Variants in TUSC3 observed in about 807,000 individuals in gnomAD.
The protein encoded by TUSC3 is tumor suppressor candidate 3.
TUSC3 carries 45 observed loss-of-function variants against 44.8 expected under a neutral mutation model. The observed-to-expected ratio is 1.00, with a 90% CI of 0.79 to 1.29. The LOEUF is 1.29. Among genes scored for constraint, TUSC3 ranks in the 50% most tolerant of loss-of-function variants. The probability of loss-of-function intolerance (pLI) is 0.00; values close to 1 mark genes in which losing one functional copy is unlikely to be tolerated. For missense variants in TUSC3, 519 were observed against 437.9 expected (o/e 1.19, Z -1.65); for synonymous variants, 212 against 152.9 (o/e 1.39, Z -2.85).
At chr8:15,674,767 G>A (rs917635561) in intron 6 of TUSC3, among the ~76,000 whole-genome samples, 3 of 151,956 alleles carry the variant, frequency 2.0e-5, no homozygotes, top group African/African-American at 7.2e-5. Flanking sequence ...GTTAGACATA[G>A]TTTTTGCTAT....
intron 1 of TUSC3, among the ~76,000 whole-genome samples, chr8:15,430,313 G>T (rs1006979372): frequency 6.7e-6 from 1 of 149,502 alleles, no homozygotes; most frequent in Admixed American, 6.7e-5. Context: ...GAGAGGCAAG[G>T]CTGGTTCAAC....
chr8:15,723,231 C>T (rs1021674478), intron 6 of TUSC3, among the ~76,000 whole-genome samples: 6 of 152,052 alleles, frequency 3.9e-5, no homozygotes, highest in Non-Finnish European at 5.9e-5. Flanking sequence ...CACAACAGAT[C>T]GTGCAGTAAG....
At chr8:15,474,680 A>G (rs550734164) in intron 1 of TUSC3, among the ~76,000 whole-genome samples, 1 of 152,342 alleles carries the variant, frequency 6.6e-6, no homozygotes, top group Non-Finnish European at 1.5e-5. Context: ...TAACAAGTTA[A>G]TACGTATATT....
At position 15,588,481 on chromosome 8, in the gene TUSC3, T is replaced by G. The variant is rs529856171; in HGVS notation, c.139-34599T>G. On this transcript the variant is annotated intron_variant, in intron 1 of 10. Coordinates refer to ENST00000503731, the MANE Select transcript of TUSC3 (RefSeq NM_006765.4). ...TTCGTTCCTTGTTGGATGAATAGTT[T>G]GCAAGTATTTTCTCCCATTCTATGG... is the stretch of plus-strand genomic sequence containing the variant. Among the ~76,000 whole-genome samples the G allele has an allele frequency of 2.0e-5, 3 of 152,318 alleles. No individual in the cohort carries two copies. The South Asian group carries it at 6.2e-4, about 32-fold the overall frequency.
intron 3 of TUSC3, among the ~76,000 whole-genome samples, chr8:15,655,877 A>T (rs527695635): frequency 1.3e-5 from 2 of 152,296 alleles, no homozygotes; most frequent in South Asian, 4.2e-4. Context: ...TTATTTTTGC[A>T]TAAGTTGGTT....
chr8:15,431,022 A>G (rs916109742), intron 1 of TUSC3, among the ~76,000 whole-genome samples: 1 of 151,470 alleles, frequency 6.6e-6, no homozygotes, highest in African/African-American at 2.4e-5. Context: ...TGGGCTCTTT[A>G]TTTTACTCCA....
At chr8:15,612,779 C>T (rs182720289) in intron 1 of TUSC3, among the ~76,000 whole-genome samples, 158 of 152,042 alleles carry the variant, frequency 1.0e-3, no homozygotes, top group Non-Finnish European at 1.8e-3. Flanking sequence ...TTCTAAGTTA[C>T]AGATTTCTTT....
rs576293927 is a variant in TUSC3 at position 15,446,588 on chromosome 8, G to A, written n.91+29283G>A. ...CAAAAAATACAAAAACGAGTCAGGC[G>A]TGGCGGCGGGCGCCTGCAATCCCAG... On this transcript the variant is annotated intron_variant and non_coding_transcript_variant, in intron 1 of 5. Transcript: ENST00000503191. Among the ~76,000 whole-genome samples, 7 of 151,928 alleles carry A rather than the reference G, an allele frequency of 4.6e-5. 1 individual carries two copies. The highest frequency in any genetic ancestry group is 3.3e-4 in the Admixed American group (5 of 15,258).
chr8:15,737,492 A>T (rs1033635557), intron 7 of TUSC3, among the ~76,000 whole-genome samples: 1 of 152,160 alleles, frequency 6.6e-6, no homozygotes, highest in Non-Finnish European at 1.5e-5. Flanking sequence ...AGCAGTAGGA[A>T]AATGATCAAC....
chr8:15,646,640 AT>A (rs1806645680), intron 2 of TUSC3, among the ~76,000 whole-genome samples: 1 of 152,064 alleles, frequency 6.6e-6, no homozygotes, highest in Non-Finnish European at 1.5e-5. Context: ...AAAACATAAT[AT>A]TTTAATCAAA....
At chr8:15,826,658 T>A in the TUSC3 span, among the ~76,000 whole-genome samples, 1 of 152,176 alleles carries the variant, frequency 6.6e-6, no homozygotes, top group African/African-American at 2.4e-5. Flanking sequence ...AAGCGAATGC[T>A]ATTTATTTCA....
At position 15,499,368 on chromosome 8, in the gene TUSC3, A is replaced by G. The variant is rs373926188; in HGVS notation, n.189+15885A>G. Among the ~76,000 whole-genome samples the G allele has an allele frequency of 4.7e-3, 711 of 152,316 alleles. 4 individuals carry two copies. The highest frequency in any genetic ancestry group is 0.016 in the African/African-American group (675 of 41,562). The stretch of plus-strand genomic sequence containing the variant: ...GTATACACCCATGTTAACATCATCA[A>G]ATCAAATCTAGAACTTTTGCATTAT... On this transcript the variant is annotated intron_variant and non_coding_transcript_variant, in intron 2 of 5. Transcript: ENST00000503191.
chr8:15,846,337 T>C, the TUSC3 span, among the ~76,000 whole-genome samples: 2 of 152,322 alleles, frequency 1.3e-5, no homozygotes, highest in East Asian at 3.9e-4. Flanking sequence ...ACACCAGTAA[T>C]GCGATTATAG....
rs1181441987 is a variant in TUSC3 at position 15,573,229 on chromosome 8, TA to T, written c.138+32665del. ...ATATATATATATATATATATATATATAAAAGTTTTTTTTTTTTTGGGCATAC... is the reference window on the plus strand; with the variant it reads ...ATATATATATATATATATATATATATAAAGTTTTTTTTTTTTTGGGCATAC... On this transcript the variant is annotated intron_variant, in intron 1 of 10. Coordinates refer to ENST00000503731, the MANE Select transcript of TUSC3 (RefSeq NM_006765.4). Among the ~76,000 whole-genome samples the T allele has an allele frequency of 4.2e-3, 524 of 124,040 alleles. 9 individuals are homozygous for T. The highest frequency in any genetic ancestry group is 0.016 in the African/African-American group (497 of 31,158). The allele number at this position is 124,040 out of a possible 152,430, so 81.4% of individuals were successfully genotyped here.
intron 6 of TUSC3, among the ~76,000 whole-genome samples, chr8:15,724,537 G>A (rs564122350): frequency 1.2e-4 from 19 of 152,172 alleles, no homozygotes; most frequent in Middle Eastern, 3.4e-3. Flanking sequence ...CCTCTGTTTC[G>A]TTTTTAGGTT....
At chr8:15,842,152 T>G in the TUSC3 span, among the ~76,000 whole-genome samples, 1 of 152,258 alleles carries the variant, frequency 6.6e-6, no homozygotes, top group East Asian at 1.9e-4. Flanking sequence ...TTCTTGGCAT[T>G]GGGGATACAT....
intron 1 of TUSC3, among the ~76,000 whole-genome samples, chr8:15,452,979 C>T (rs970670280): frequency 2.6e-5 from 4 of 151,972 alleles, no homozygotes; most frequent in Non-Finnish European, 4.4e-5. Context: ...AGCGACCACT[C>T]CCCCGTCACA....
intron 7 of TUSC3, among the ~76,000 whole-genome samples, chr8:15,732,034 G>A (rs943891880): frequency 5.3e-5 from 8 of 152,116 alleles, no homozygotes; most frequent in African/African-American, 1.7e-4. Context: ...CTGACCACAC[G>A]GGATTTCTGT....
chr8:15,610,483 G>T lies in TUSC3; in HGVS notation c.139-12597G>T, dbSNP rs569810668. On this transcript the variant is annotated intron_variant, in intron 1 of 10. Transcript: ENST00000503731. ...AATTTTTATGAATAAGGAAATACTA[G>T]CAAACTTGATTTATTTTAAATCTTT... 3.9e-5 allele frequency among the ~76,000 whole-genome samples: 6 copies of T among 152,158 alleles called. No individual in the cohort carries two copies. The East Asian group carries it at 7.7e-4, about 20-fold the overall frequency.
Sources: allele counts gnomAD v4.1 joint callset (sites outside exome capture counted in the v4.1 genomes callset), GRCh38; gene constraint gnomAD v4.1.1; transcripts MANE v1.5; gene names NCBI Gene and HGNC (gene_info 2026-07-23, HGNC 2026-07-21).